SPTBN2: variants seen among roughly 807,000 people sequenced by gnomAD.
SPTBN2 encodes the protein spectrin beta, non-erythrocytic 2.
SPTBN2 carries 107 observed loss-of-function variants against 284.2 expected under a neutral mutation model. The observed-to-expected ratio is 0.38, with a 90% CI of 0.32 to 0.44. The LOEUF (loss-of-function observed/expected upper bound fraction) is 0.44. Ranked by LOEUF, SPTBN2 falls within the 20% of genes least tolerant of loss-of-function variation. SPTBN2 has a pLI of 1.00. For synonymous variants in SPTBN2, 1,289 were observed against 1,354.8 expected (o/e 0.95, Z 1.07); for missense variants, 2,569 against 3,287.1 (o/e 0.78, Z 5.34).
Position 66,691,570 on chromosome 11 carries a change from C to G in SPTBN2, c.5279G>C (p.Gly1760Ala). The G allele has an allele frequency of 6.2e-7, 1 of 1,613,708 alleles. No homozygotes were observed. The highest frequency in any genetic ancestry group is 8.5e-7 in the Non-Finnish European group (1 of 1,180,050). ...RVDSANALAN[G>A]LIAGGHAARA... ...TGCAGCATGGCCCCCAGCAATGAGC[C>G]CATTGGCCAGCGCATTGGCGCTATC... Residue 1760 changes from glycine to alanine, a missense_variant, in exon 27 of 38, where the codon GGG (glycine) becomes GCG (alanine). This residue lies in a region of SPTBN2 where 1,130 missense variants were observed against 1,317.3 expected (regional missense o/e 0.86). Transcript: ENST00000533211. This position sits in a 1 kb window ranked among gnomAD's most constrained non-coding sequence, Gnocchi z 8.0.
In SPTBN2 at chr11:66,694,223, C is replaced by T; in HGVS notation, c.4419G>A (p.Leu1473=). 3.7e-6 allele frequency: 6 copies of T among 1,614,080 alleles called. No homozygotes were observed. Among genetic ancestry groups the T allele is most frequent in the South Asian group, 1.1e-5 (1 of 91,088 alleles). Residue 1473 remains leucine, a synonymous_variant, in exon 22 of 38, where the codon TTG becomes TTA. Transcript: ENST00000533211. ...GGCAGCGTTCCCGCATGGGCTGGCA[C>T]AAGGCCCTGAACTTCTCCTCCACGG... ...SRAVEEKFRA[L]CQPMRERCRR...
chr11:66,730,843 T>G (rs1277524381), upstream of SPTBN2, among the ~76,000 whole-genome samples: 2 of 152,232 alleles, frequency 1.3e-5, no homozygotes, highest in Non-Finnish European at 2.9e-5. Context: ...ATGAACAGAC[T>G]GATGTTCAGA....
At chr11:66,698,606 C>T (rs1197809013) in intron 20 of SPTBN2, 33 bp downstream of exon 20, 2 of 1,613,778 alleles carry the variant, frequency 1.2e-6, no homozygotes, top group African/African-American at 2.7e-5. Flanking sequence ...ATGGGGGACT[C>T]TGCCCAGAGG....
chr11:66,689,926 TC>T lies in SPTBN2; in HGVS notation c.5827del (p.Asp1943IlefsTer2), dbSNP rs1289501285. On this transcript the variant is annotated frameshift_variant, in exon 29 of 38. Transcript: ENST00000533211. LOFTEE classifies it high-confidence loss of function. The stretch of plus-strand genomic sequence containing the variant: ...GCCTTGCTGGTTCTTGATGACTAGA[TC>T]CGCGGAGGACACATCCCTGGGGGGA... ...QERPRDVSSA[D>X]LVIKNQQGIK... 1 of 1,613,628 alleles carries T rather than the reference TC, an allele frequency of 6.2e-7. No individual in the cohort carries two copies.
chr11:66,713,954 T>C (rs1942012533), intron 7 of SPTBN2, 137 bp downstream of exon 7: 1 of 982,690 alleles, frequency 1.0e-6, no homozygotes, highest in Non-Finnish European at 1.6e-6. Flanking sequence ...TGCACCCCCA[T>C]GTTCTGGTTC....
rs368795514 is a variant in SPTBN2 at position 66,696,457 on chromosome 11, G to A, written c.4098C>T (p.Asp1366=). The change falls in exon 21 of 38, where the codon GAC becomes GAT. Residue 1366 remains aspartate, a synonymous_variant. Transcript: ENST00000533211. ...TGGCTTGGGTGGTGGTCTCCAGCTCGTCCCAGCGCCTGTGCAGGTCTCTCA... is the reference window on the plus strand; with the variant it reads ...TGGCTTGGGTGGTGGTCTCCAGCTCATCCCAGCGCCTGTGCAGGTCTCTCA... ...EKLRDLHRRW[D]ELETTTQAKA... is the part of the protein sequence containing the mutation. 1.3e-4 allele frequency: 212 copies of A among 1,612,694 alleles called. 3 individuals carry two copies. In the South Asian group the frequency reaches 1.4e-3, roughly 11 times the overall value.
chr11:66,714,257 G>A, intron 6 of SPTBN2, 59 bp downstream of exon 6: 2 of 1,605,234 alleles, frequency 1.2e-6, no homozygotes, highest in Admixed American at 1.7e-5. Context: ...GGTTCCTGGA[G>A]CCCAGCACAG....
chr11:66,704,207 C>T (rs369309423), intron 15 of SPTBN2, among the ~76,000 whole-genome samples: 2 of 151,916 alleles, frequency 1.3e-5, no homozygotes, highest in Admixed American at 6.6e-5. Context: ...CTCCTGACCT[C>T]GTGATCCGCC....
intron 15 of SPTBN2, among the ~76,000 whole-genome samples, chr11:66,704,128 G>A (rs1374770079): frequency 6.6e-6 from 1 of 151,682 alleles, no homozygotes; most frequent in Non-Finnish European, 1.5e-5. Context: ...GCCCCCCACT[G>A]TGCCCGGCTA....
chr11:66,741,485 TACA>T (rs1942895384), intron 1 of SPTBN2, among the ~76,000 whole-genome samples: 2 of 152,174 alleles, frequency 1.3e-5, no homozygotes, highest in African/African-American at 4.8e-5. Context: ...AATGAACTAA[TACA>T]ACATGAAACA....
intron 1 of SPTBN2, among the ~76,000 whole-genome samples, chr11:66,725,260 A>C (rs1942575361): frequency 6.6e-6 from 1 of 152,128 alleles, no homozygotes; most frequent in South Asian, 2.1e-4. Flanking sequence ...GCTCTCTGGC[A>C]TTGTTCAGCA....
In SPTBN2 at chr11:66,715,547, A is replaced by C. The variant is rs1194207432; in HGVS notation, c.310-152T>G. The C allele has an allele frequency of 1.8e-6, 2 of 1,141,150 alleles. No individual in the cohort carries two copies. The highest frequency in any genetic ancestry group is 1.6e-5 in the African/African-American group (1 of 64,054). The allele number at this position is 1,141,150 out of a possible 1,614,324, so 70.7% of individuals were successfully genotyped here. A position where few individuals can be genotyped will look rare whatever the true frequency, so the allele number is the denominator to read the frequency against. On this transcript the variant is annotated intron_variant, in intron 4 of 37. Transcript: ENST00000533211. This position sits in a 1 kb window ranked among gnomAD's most constrained non-coding sequence, Gnocchi z 5.3. Reference sequence around the variant, plus strand: ...CAGGGCTGGAGCCAAAGCTGAGCTTACAGATGAGGCTTGGGCAGATTAAGA... The same window carrying C: ...CAGGGCTGGAGCCAAAGCTGAGCTTCCAGATGAGGCTTGGGCAGATTAAGA...
At chr11:66,702,815 G>A (rs908235949) in intron 15 of SPTBN2, among the ~76,000 whole-genome samples, 7 of 151,126 alleles carry the variant, frequency 4.6e-5, no homozygotes, top group Non-Finnish European at 8.8e-5. Flanking sequence ...GCGGGTGCCT[G>A]TAGTCCCAGC....
chr11:66,696,224 T>C, intron 21 of SPTBN2, 53 bp downstream of exon 21: 1 of 1,600,796 alleles, frequency 6.2e-7, no homozygotes. Flanking sequence ...TCTTGAAAGC[T>C]GCAGCCCCTT....
rs1030325959 is a variant in SPTBN2 at position 66,714,451 on chromosome 11, T to C, written c.484-44A>G. The C allele has an allele frequency of 2.0e-6, 3 of 1,514,768 alleles. No homozygotes were observed. The African/African-American group carries it at 4.1e-5, about 21-fold the overall frequency. The allele number at this position is 1,514,768 out of a possible 1,614,324, so 93.8% of individuals were successfully genotyped here. The stretch of plus-strand genomic sequence containing the variant: ...GGGCCCTCAGTCCCTGGACAGGAAC[T>C]CCTGGTGTTATCAGAGATGCTCAGA... On this transcript the variant is annotated intron_variant, in intron 5 of 37. Transcript: ENST00000533211.
At position 66,687,524 on chromosome 11, in the gene SPTBN2, G is replaced by T; in HGVS notation, c.6625C>A (p.Pro2209Thr). The change falls in exon 35 of 38, where the codon CCG becomes ACG. Residue 2209 changes from proline (P) to threonine (T), a missense_variant. By Grantham distance (38) the Pro-to-Thr change is conservative (BLOSUM62 -1). Around this residue, in one of 6 missense-constraint regions of SPTBN2, gnomAD observed 1,130 missense variants for 1,317.3 expected, o/e 0.86. Transcript: ENST00000533211. The surrounding 1 kb of genome is among the most constrained non-coding windows in gnomAD (Gnocchi z 5.2). ...GCAGATGGCTCTGGGCCTCGAGGCGGCAGGGTGGCAGCATGGGCTGACTCG... is the reference window on the plus strand; with the variant it reads ...GCAGATGGCTCTGGGCCTCGAGGCGTCAGGGTGGCAGCATGGGCTGACTCG... ...STESAHAATLPPRGPEPSAQE... is the reference protein window; with the variant it reads ...STESAHAATLTPRGPEPSAQE... 6.2e-7 allele frequency: 1 copy of T among 1,612,042 alleles called. No homozygotes were observed.
chr11:66,717,494 C>T (rs995452935), intron 3 of SPTBN2, among the ~76,000 whole-genome samples: 1 of 152,166 alleles, frequency 6.6e-6, no homozygotes, highest in South Asian at 2.1e-4. Flanking sequence ...CACGTCGCTC[C>T]GTGTCTTTCA....
chr11:66,687,423 G>C lies in SPTBN2; in HGVS notation c.6722+4C>G. On this transcript the variant is annotated splice_donor_region_variant and intron_variant, in intron 35 of 37. Transcript: ENST00000533211. This position sits in a 1 kb window ranked among gnomAD's most constrained non-coding sequence, Gnocchi z 5.2. ...TCTGAGAGCAGGCTCCAGAGAGGCT[G>C]TACCTGTTGGCAGCCTTCTTCCCGA... is the stretch of plus-strand genomic sequence containing the variant. 1 of 1,605,062 alleles carries C rather than the reference G, an allele frequency of 6.2e-7. No homozygotes were observed. Among genetic ancestry groups the C allele is most frequent in the Non-Finnish European group, 8.5e-7 (1 of 1,179,942 alleles).
chr11:66,718,695 C>T lies in SPTBN2; in HGVS notation c.157+2389G>A, dbSNP rs1057371041. 1.4e-4 allele frequency among the ~76,000 whole-genome samples: 21 copies of T among 152,354 alleles called. No homozygotes were observed. The East Asian group carries it at 3.7e-3, about 27-fold the overall frequency. On this transcript the variant is annotated intron_variant, in intron 3 of 37. Coordinates refer to ENST00000533211, the MANE Select transcript of SPTBN2 (RefSeq NM_006946.4). This position sits in a 1 kb window ranked among gnomAD's most constrained non-coding sequence, Gnocchi z 4.8. The stretch of plus-strand genomic sequence containing the variant: ...GCTGGCAGGGGGCCAGTTTCTGTTC[C>T]CCAGTGGAACCTCAGGCTGGAGTCC...
Sources: gnomAD v4.1 joint callset for allele counts (sites outside exome capture counted in the v4.1 genomes callset) on GRCh38, gnomAD v4.1.1 for gene constraint, gnomAD v4.1.1 regional missense constraint, Gnocchi (gnomAD v3.1) non-coding constraint, MANE v1.5 for transcripts, NCBI Gene and HGNC (gene_info 2026-07-23, HGNC 2026-07-21) for gene names.